Variants in SAT2 observed in about 807,000 individuals in gnomAD.
The protein encoded by SAT2 is thialysine N-epsilon-acetyltransferase.
Under a neutral mutation model 24.8 loss-of-function variants are expected in SAT2, and 19 were observed. That is an observed-to-expected ratio of 0.77 (90% CI 0.53 to 1.12). The LOEUF is 1.12. Ranked by LOEUF, SAT2 falls within the 50% of genes most tolerant of loss-of-function variation. SAT2 has a pLI of 0.00. For synonymous variants in SAT2, 77 were observed against 77.4 expected (o/e 0.99, Z 0.03); for missense variants, 190 against 210.7 (o/e 0.90, Z 0.61).
rs1477735647 is a variant in SAT2 at position 7,627,801 on chromosome 17, CG to C, written c.-167del. 4 of 750,540 alleles carry C rather than the reference CG, an allele frequency of 5.3e-6. No homozygotes were observed. Among genetic ancestry groups the C allele is most frequent in the Non-Finnish European group, 9.4e-6 (4 of 425,366 alleles). 46.5% of individuals were successfully genotyped at this position (750,540 alleles called of 1,614,324 possible). A position where few individuals can be genotyped will look rare whatever the true frequency, so the allele number is the denominator to read the frequency against. On this transcript the variant is annotated 5_prime_UTR_variant, in exon 1 of 6. Transcript: ENST00000269298. The surrounding 1 kb of genome is among the most constrained non-coding windows in gnomAD (Gnocchi z 4.8). ...GGCCTGGTAAGTGGAGCTGGGATTC[CG>C]GCGCCGTACGGGAGGAGAGAGTAGG...
chr17:7,627,830 A>G (rs1230410346), upstream of SAT2: 23 of 676,024 alleles, frequency 3.4e-5, no homozygotes, highest in Middle Eastern at 2.4e-4. This position sits in a 1 kb window ranked among gnomAD's most constrained non-coding sequence, Gnocchi z 4.8. Context: ...AGAGTAGGCC[A>G]GCGAGGCGAT....
rs771491344 is a variant in SAT2 at position 7,627,000 on chromosome 17, T to C, written c.247A>G (p.Thr83Ala). Residue 83 changes from threonine to alanine, a missense_variant, in exon 4 of 6, where the codon ACA (threonine) becomes GCA (alanine). Physicochemically the swap from Thr to Ala is moderately conservative, Grantham distance 58. Transcript: ENST00000269298. ...GYGIYYFIYSTWKGRTIYLED... is the reference protein window; with the variant it reads ...GYGIYYFIYSAWKGRTIYLED... Reference sequence around the variant, plus strand: ...AGATAAATGGTGCGTCCCTTCCATGTACTGTAGATGAAATAGTATATCCCA... The same window carrying C: ...AGATAAATGGTGCGTCCCTTCCATGCACTGTAGATGAAATAGTATATCCCA... 2 of 1,614,018 alleles carry C rather than the reference T, an allele frequency of 1.2e-6. No individual in the cohort carries two copies. The highest frequency in any genetic ancestry group is 2.2e-5 in the South Asian group (2 of 91,076).
rs1261803975 is a variant in SAT2, at chr17:7,627,773, C to T, written c.-138G>A. On this transcript the variant is annotated 5_prime_UTR_variant, in exon 1 of 6. Transcript: ENST00000269298. The surrounding 1 kb of genome is among the most constrained non-coding windows in gnomAD (Gnocchi z 4.8). ...GAGTCGGGGGGGACGGCGGGGTAGCCGCGGCCTGGTAAGTGGAGCTGGGAT... is the reference window on the plus strand; with the variant it reads ...GAGTCGGGGGGGACGGCGGGGTAGCTGCGGCCTGGTAAGTGGAGCTGGGAT... The T allele has an allele frequency of 1.0e-6, 1 of 960,760 alleles. No homozygotes were observed. The allele number at this position is 960,760 out of a possible 1,614,324, so 59.5% of individuals were successfully genotyped here.
chr17:7,627,535 C>T lies in SAT2; in HGVS notation c.66+35G>A, dbSNP rs2072254608. On this transcript the variant is annotated intron_variant, in intron 1 of 5. Transcript: ENST00000269298. The surrounding 1 kb of genome is among the most constrained non-coding windows in gnomAD (Gnocchi z 4.8). ...CTACGACCCCGCTCTGGCCGCGCCA[C>T]TCTGACCCCCGGGTTACCGGCCTGC... 2 of 1,605,792 alleles carry T rather than the reference C, an allele frequency of 1.2e-6. No individual in the cohort carries two copies. Among genetic ancestry groups the T allele is most frequent in the Middle Eastern group, 1.7e-4 (1 of 6,034 alleles).
At position 7,627,529 on chromosome 17, in the gene SAT2, G is replaced by T; in HGVS notation, c.66+41C>A. The T allele has an allele frequency of 6.4e-7, 1 of 1,573,164 alleles. No homozygotes were observed. On this transcript the variant is annotated intron_variant, in intron 1 of 5. Transcript: ENST00000269298. This position sits in a 1 kb window ranked among gnomAD's most constrained non-coding sequence, Gnocchi z 4.8. ...CGCCTCCTACGACCCCGCTCTGGCC[G>T]CGCCACTCTGACCCCCGGGTTACCG...
At position 7,626,235 on chromosome 17, in the gene SAT2, C is replaced by T; in HGVS notation, c.*212G>A. On this transcript the variant is annotated 3_prime_UTR_variant, in exon 6 of 6. Transcript: ENST00000269298. ...ATAAAAGAAAGACCCAACACCACAT[C>T]AGGACATGTAATTCTTATTTATTTT... 2 of 537,382 alleles carry T rather than the reference C, an allele frequency of 3.7e-6. No homozygotes were observed. Among genetic ancestry groups the T allele is most frequent in the Non-Finnish European group, 6.6e-6 (2 of 304,674 alleles). The allele number at this position is 537,382 out of a possible 1,614,324, so 33.3% of individuals were successfully genotyped here.
Position 7,627,443 on chromosome 17 carries a change from G to T in SAT2, c.67-29C>A. 1 of 1,613,550 alleles carries T rather than the reference G, an allele frequency of 6.2e-7. No homozygotes were observed. Among genetic ancestry groups the T allele is most frequent in the Non-Finnish European group, 8.5e-7 (1 of 1,179,612 alleles). On this transcript the variant is annotated intron_variant, in intron 1 of 5. Coordinates refer to ENST00000269298, the MANE Select transcript of SAT2 (RefSeq NM_133491.5). The surrounding 1 kb of genome is among the most constrained non-coding windows in gnomAD (Gnocchi z 4.8). ...AGGCGTGGGTACGGAAGCTAGATTA[G>T]AGCAGAAGGGCCCCGCTGCTCCCCG...
chr17:7,626,916 ACCCCAG>A, intron 4 of SAT2, 21 bp downstream of exon 4: 1 of 1,610,454 alleles, frequency 6.2e-7, no homozygotes, highest in Non-Finnish European at 8.5e-7. Flanking sequence ...CTTTGCTCCC[ACCCCAG>A]CCTCAGCTTC....
chr17:7,626,922 G>GCCTC, intron 4 of SAT2, 21 bp downstream of exon 4: 4 of 1,610,986 alleles, frequency 2.5e-6, no homozygotes, highest in Non-Finnish European at 3.4e-6. Flanking sequence ...TCCCACCCCA[G>GCCTC]CCTCAGCTTC....
In SAT2 at chr17:7,627,165, A is replaced by C. The variant is rs1052798654; in HGVS notation, c.180T>G (p.Leu60=). The C allele has an allele frequency of 1.5e-5, 25 of 1,614,014 alleles. No homozygotes were observed. The highest frequency in any genetic ancestry group is 2.7e-5 in the African/African-American group (2 of 74,902). ...TACCCAGTAGCTTCCCGGGCGCTGG[A>C]AGAATCTCTGCTACCAAACAGTGAT... The part of the protein sequence containing the change: ...PFYHCLVAEI[L]PAPGKLLGPC... The change falls in exon 3 of 6, where the codon CTT becomes CTG. Residue 60 remains leucine, a synonymous_variant. Transcript: ENST00000269298. The surrounding 1 kb of genome is among the most constrained non-coding windows in gnomAD (Gnocchi z 4.8).
intron 4 of SAT2, 67 bp from the exon 5 acceptor site, chr17:7,626,860 CG>C: frequency 6.2e-7 from 1 of 1,605,804 alleles, no homozygotes. Flanking sequence ...AAAATGACAC[CG>C]GCTGGGCTCT....
At chr17:7,626,881 G>T in intron 4 of SAT2, 62 bp downstream of exon 4, 1 of 1,601,356 alleles carries the variant, frequency 6.2e-7, no homozygotes. Flanking sequence ...TGGGGACAGG[G>T]GATAACAGTG....
intron 4 of SAT2, 56 bp downstream of exon 4, chr17:7,626,887 C>T: frequency 1.2e-6 from 2 of 1,602,578 alleles, no homozygotes; most frequent in Non-Finnish European, 1.7e-6. Flanking sequence ...CAGGGGATAA[C>T]AGTGGGGTCT....
chr17:7,626,966 A>G lies in SAT2; in HGVS notation c.281T>C (p.Ile94Thr). 1 of 1,613,956 alleles carries G rather than the reference A, an allele frequency of 6.2e-7. No individual in the cohort carries two copies. The highest frequency in any genetic ancestry group is 8.5e-7 in the Non-Finnish European group (1 of 1,179,968). ...ACCCCGATATTCCGGCATCACATAG[A>G]TATCCTCCAGATAAATGGTGCGTCC... Reference protein sequence around the residue: ...WKGRTIYLEDIYVMPEYRGQG... With the variant: ...WKGRTIYLEDTYVMPEYRGQG... The change falls in exon 4 of 6, where the codon ATC becomes ACC. Residue 94 changes from isoleucine (I) to threonine (T), a missense_variant. Transcript: ENST00000269298.
rs1239716818 is a variant in SAT2 at position 7,626,595 on chromosome 17, C to G, written c.365G>C (p.Cys122Ser). The change falls in exon 6 of 6, where the codon TGC (cysteine) becomes TCC (serine). Residue 122 changes from cysteine to serine, a missense_variant. Transcript: ENST00000269298. ...KVAEVALDKG[C>S]SQFRLAVLDW... ...CAGGACGGCCAGGCGGAATTGGGAG[C>G]AGCCCTTATCCAAGGCCACCTGTGG... 1 of 1,613,246 alleles carries G rather than the reference C, an allele frequency of 6.2e-7. No individual in the cohort carries two copies.
At position 7,627,256 on chromosome 17, in the gene SAT2, T is replaced by C. The variant is rs1171080597; in HGVS notation, c.119-30A>G. ...CGAGATTGGAGTTGTGACAAAGAGA[T>C]AGAGAAAGAGGACGTGGGTGTATGC... On this transcript the variant is annotated intron_variant, in intron 2 of 5. Coordinates refer to ENST00000269298, the MANE Select transcript of SAT2 (RefSeq NM_133491.5). The surrounding 1 kb of genome is among the most constrained non-coding windows in gnomAD (Gnocchi z 4.8). 4.3e-6 allele frequency: 7 copies of C among 1,613,484 alleles called. No individual in the cohort carries two copies. The highest frequency in any genetic ancestry group is 5.9e-6 in the Non-Finnish European group (7 of 1,179,490).
chr17:7,626,873 G>C (rs1009485589), intron 4 of SAT2, 70 bp downstream of exon 4: 2 of 1,604,842 alleles, frequency 1.2e-6, no homozygotes, highest in Non-Finnish European at 1.7e-6. Context: ...CTGGGCTCTG[G>C]GGACAGGGGA....
At chr17:7,626,859 C>A (rs574625954) in intron 4 of SAT2, 66 bp from the exon 5 acceptor site, 4 of 1,607,380 alleles carry the variant, frequency 2.5e-6, no homozygotes, top group East Asian at 2.2e-5. Flanking sequence ...GAAAATGACA[C>A]CGGCTGGGCT....
chr17:7,627,764 C>CG lies in SAT2; in HGVS notation c.-130dup. The CG allele has an allele frequency of 1.1e-6, 1 of 948,124 alleles. No homozygotes were observed. The highest frequency in any genetic ancestry group is 1.7e-6 in the Non-Finnish European group (1 of 599,124). 58.7% of individuals were successfully genotyped at this position (948,124 alleles called of 1,614,324 possible). On this transcript the variant is annotated 5_prime_UTR_variant, in exon 1 of 6. Transcript: ENST00000269298. The surrounding 1 kb of genome is among the most constrained non-coding windows in gnomAD (Gnocchi z 4.8). ...GGGTGGCGGGAGTCGGGGGGGACGG[C>CG]GGGGTAGCCGCGGCCTGGTAAGTGG... is the stretch of plus-strand genomic sequence containing the variant.
Sources: gnomAD v4.1 joint callset for allele counts on GRCh38, gnomAD v4.1.1 for gene constraint, Gnocchi (gnomAD v3.1) non-coding constraint, MANE v1.5 for transcripts, NCBI Gene and HGNC (gene_info 2026-07-23, HGNC 2026-07-21) for gene names.